Variants in ADCK1 observed in about 807,000 individuals in gnomAD.
ADCK1 encodes the protein aarF domain-containing protein kinase 1.
A neutral mutation model predicts 52.3 loss-of-function variants in ADCK1; 41 were observed. The observed-to-expected ratio is 0.78, with a 90% CI of 0.61 to 1.02. The LOEUF (loss-of-function observed/expected upper bound fraction) is 1.02, where lower values mean the gene tolerates loss of function less well. Ranked by LOEUF, ADCK1 falls within the 50% of genes least tolerant of loss-of-function variation. The pLI, the probability that ADCK1 is intolerant of heterozygous loss-of-function variation, is 0.00. For missense variants in ADCK1, 658 were observed against 679.5 expected, an observed-to-expected ratio of 0.97 and a Z score of 0.35; for synonymous variants, 250 against 274.6, an observed-to-expected ratio of 0.91 and a Z score of 0.89.
chr14:77,920,156 T>C (rs747334322), intron 7 of ADCK1, among the ~76,000 whole-genome samples: 2 of 152,232 alleles, frequency 1.3e-5, no homozygotes, highest in Admixed American at 1.3e-4. Context: ...TTTTGGGTTC[T>C]TGGTAATGAA....
chr14:77,833,650 G>T (rs2081903316), intron 3 of ADCK1, among the ~76,000 whole-genome samples: 1 of 152,170 alleles, frequency 6.6e-6, no homozygotes, highest in South Asian at 2.1e-4. Context: ...GATTCTGGAG[G>T]ATTCTGTAGG....
chr14:77,916,574 C>A (rs533191767), intron 7 of ADCK1, among the ~76,000 whole-genome samples: 2 of 152,172 alleles, frequency 1.3e-5, no homozygotes, highest in African/African-American at 2.4e-5. Flanking sequence ...CCCACCCCAG[C>A]CTCTGGAGTA....
chr14:77,904,797 T>C (rs1201543956), intron 6 of ADCK1, among the ~76,000 whole-genome samples: 2 of 151,404 alleles, frequency 1.3e-5, no homozygotes, highest in African/African-American at 2.4e-5. Flanking sequence ...CTGAGCACCC[T>C]GGCCATGAGC....
At chr14:77,868,462 G>A (rs779025680) in intron 4 of ADCK1, among the ~76,000 whole-genome samples, 21 of 152,338 alleles carry the variant, frequency 1.4e-4, no homozygotes, top group Middle Eastern at 3.4e-3. Flanking sequence ...GTTTCCTGCG[G>A]ACTTTGAGGA....
At chr14:77,891,425 G>C (rs576285278) in intron 5 of ADCK1, among the ~76,000 whole-genome samples, 9 of 152,232 alleles carry the variant, frequency 5.9e-5, no homozygotes, top group Non-Finnish European at 1.3e-4. Context: ...CCTCTGCGTA[G>C]TAAAGCCATC....
At position 77,836,020 on chromosome 14, in the gene ADCK1, G is replaced by A. The variant is rs190726703; in HGVS notation, c.219+13502G>A. On this transcript the variant is annotated intron_variant, in intron 3 of 10. Transcript: ENST00000238561. ...TAGAAACTTAATCTGCAAAGCAAGA[G>A]TGTTGAGAAGTAGGACCTTCAAGAG... 3.3e-5 allele frequency among the ~76,000 whole-genome samples: 5 copies of A among 152,344 alleles called. No homozygotes were observed. In the East Asian group the frequency reaches 9.6e-4, roughly 29 times the overall value.
intron 3 of ADCK1, among the ~76,000 whole-genome samples, chr14:77,856,709 G>A (rs2082424218): frequency 6.6e-6 from 1 of 152,144 alleles, no homozygotes; most frequent in Non-Finnish European, 1.5e-5. Flanking sequence ...CTGTGACAAT[G>A]CTTTTAATTA....
chr14:77,801,848 G>A (rs1162320681), intron 1 of ADCK1, among the ~76,000 whole-genome samples: 3 of 152,128 alleles, frequency 2.0e-5, no homozygotes, highest in Non-Finnish European at 4.4e-5. Context: ...AGGCTGAGGA[G>A]GAGAACAGCT....
intron 3 of ADCK1, among the ~76,000 whole-genome samples, chr14:77,854,425 G>A (rs897808045): frequency 5.3e-5 from 8 of 152,112 alleles, no homozygotes; most frequent in African/African-American, 1.9e-4. Context: ...TAGAGTATTG[G>A]ATTAATCCTG....
At chr14:77,840,418 T>A (rs752496015) in intron 3 of ADCK1, among the ~76,000 whole-genome samples, 1 of 152,116 alleles carries the variant, frequency 6.6e-6, no homozygotes, top group Non-Finnish European at 1.5e-5. Flanking sequence ...GCCTGTGACA[T>A]CTGGCTAAGT....
chr14:77,841,614 A>G (rs1317770870), intron 3 of ADCK1, among the ~76,000 whole-genome samples: 1 of 143,636 alleles, frequency 7.0e-6, no homozygotes, highest in East Asian at 2.1e-4. Context: ...GTGTCACTTG[A>G]GGTCAGGAGT....
intron 3 of ADCK1, among the ~76,000 whole-genome samples, chr14:77,856,491 C>T (rs2082419393): frequency 6.6e-6 from 1 of 152,128 alleles, no homozygotes. Context: ...TTGCCCAGTT[C>T]TGAAGGGGAG....
chr14:77,882,966 C>T (rs2083063388), intron 4 of ADCK1, among the ~76,000 whole-genome samples: 1 of 123,880 alleles, frequency 8.1e-6, no homozygotes, highest in Non-Finnish European at 1.7e-5. Context: ...ACCCCCCCCC[C>T]CGTGCTTTTT....
At chr14:77,916,634 T>C (rs1437779801) in intron 7 of ADCK1, among the ~76,000 whole-genome samples, 1 of 152,168 alleles carries the variant, frequency 6.6e-6, no homozygotes, top group Non-Finnish European at 1.5e-5. Context: ...TTTGTATTTC[T>C]TATAGAGGTT....
intron 4 of ADCK1, among the ~76,000 whole-genome samples, chr14:77,872,148 A>T (rs1214544361): frequency 1.3e-5 from 2 of 152,196 alleles, no homozygotes; most frequent in East Asian, 3.9e-4. Context: ...TTTCAAACAC[A>T]TGGTCTCATC....
intron 3 of ADCK1, among the ~76,000 whole-genome samples, chr14:77,836,319 G>C (rs1196282022): frequency 2.6e-5 from 4 of 152,208 alleles, no homozygotes; most frequent in Non-Finnish European, 4.4e-5. Flanking sequence ...CCAGTCTCAA[G>C]GATTTTGTTA....
intron 6 of ADCK1, among the ~76,000 whole-genome samples, chr14:77,905,054 C>T (rs1341972627): frequency 6.6e-6 from 1 of 152,156 alleles, no homozygotes; most frequent in African/African-American, 2.4e-5. Context: ...CATGTTATGT[C>T]TGTCCAGGGG....
At chr14:77,811,853 A>G (rs2081344697) in intron 1 of ADCK1, among the ~76,000 whole-genome samples, 1 of 152,210 alleles carries the variant, frequency 6.6e-6, no homozygotes, top group African/African-American at 2.4e-5. Context: ...ACACCCAAAA[A>G]TAATCCTTGG....
At chr14:77,916,527 C>T (rs1304618916) in intron 7 of ADCK1, among the ~76,000 whole-genome samples, 1 of 152,178 alleles carries the variant, frequency 6.6e-6, no homozygotes, top group Non-Finnish European at 1.5e-5. Flanking sequence ...GATCTCAGCT[C>T]ACCACAGCCT....
Sources: allele counts gnomAD v4.1 joint callset (sites outside exome capture counted in the v4.1 genomes callset), GRCh38; gene constraint gnomAD v4.1.1; transcripts MANE v1.5; gene names NCBI Gene and HGNC (gene_info 2026-07-23, HGNC 2026-07-21).